Variants in PIK3C2G observed in about 807,000 individuals in gnomAD.
PIK3C2G encodes the protein phosphatidylinositol 3-kinase C2 domain-containing subunit gamma.
Under a neutral mutation model 181.1 loss-of-function variants are expected in PIK3C2G, and 168 were observed. The observed-to-expected ratio is 0.93, with a 90% CI of 0.82 to 1.05. PIK3C2G has a LOEUF of 1.05. Among genes scored for constraint, PIK3C2G ranks in the 50% least tolerant of loss-of-function variants. The pLI is 0.00. For missense variants in PIK3C2G, 1,869 were observed against 1,732.8 expected (o/e 1.08, Z -1.40); for synonymous variants, 573 against 592.2 (o/e 0.97, Z 0.47).
At chr12:18,365,883 G>A (rs765513283) in intron 12 of PIK3C2G, among the ~76,000 whole-genome samples, 3 of 152,110 alleles carry the variant, frequency 2.0e-5, no homozygotes, top group Non-Finnish European at 2.9e-5. Flanking sequence ...AATTCTGGTT[G>A]TTCAGATCAA....
rs370467850 is a variant in PIK3C2G, at chr12:18,252,079, G to A, written c.-79+3997G>A. 2.3e-3 allele frequency among the ~76,000 whole-genome samples: 345 copies of A among 152,208 alleles called. 1 individual carries two copies. The highest frequency in any genetic ancestry group is 7.9e-3 in the African/African-American group (329 of 41,546). On this transcript the variant is annotated intron_variant, in intron 1 of 11. Coordinates refer to the PIK3C2G transcript ENST00000535651. ...ATAAATTTTTCAAATATTCATGTTA[G>A]AAATTAAGCAGATCAAATATTCCGA...
chr12:18,283,142 G>A (rs1051697669), intron 2 of PIK3C2G, among the ~76,000 whole-genome samples: 1 of 151,960 alleles, frequency 6.6e-6, no homozygotes, highest in African/African-American at 2.4e-5. Flanking sequence ...TATATTTTGA[G>A]TCACATTGTA....
intron 24 of PIK3C2G, among the ~76,000 whole-genome samples, chr12:18,525,030 C>T (rs1012430892): frequency 1.3e-5 from 2 of 152,062 alleles, no homozygotes; most frequent in African/African-American, 4.8e-5. Context: ...AAATTAGTTA[C>T]ATCTCTGGGT....
chr12:18,602,418 C>A, intron 30 of PIK3C2G, among the ~76,000 whole-genome samples: 1 of 151,186 alleles, frequency 6.6e-6, no homozygotes, highest in South Asian at 2.1e-4. Flanking sequence ...CCTAGCCCCA[C>A]CCCCACCTGA....
chr12:18,395,192 G>T (rs912481695), intron 15 of PIK3C2G, among the ~76,000 whole-genome samples: 25 of 148,084 alleles, frequency 1.7e-4, no homozygotes, highest in Non-Finnish European at 4.5e-5. Flanking sequence ...ACCTTATAGA[G>T]AAATTGCTGA....
intron 17 of PIK3C2G, among the ~76,000 whole-genome samples, chr12:18,422,998 T>C (rs1459778382): frequency 6.6e-6 from 1 of 152,032 alleles, no homozygotes. Context: ...TAGGAATTTA[T>C]AAACTTTCCC....
At chr12:18,596,564 G>A (rs1947376677) in intron 30 of PIK3C2G, among the ~76,000 whole-genome samples, 1 of 152,094 alleles carries the variant, frequency 6.6e-6, no homozygotes, top group South Asian at 2.1e-4. Context: ...TCAAGGTACA[G>A]AAATAATAAC....
intron 18 of PIK3C2G, among the ~76,000 whole-genome samples, chr12:18,445,473 C>T (rs976532046): frequency 6.6e-6 from 1 of 151,386 alleles, no homozygotes. Flanking sequence ...GAAACAGAAT[C>T]GCAAATTGAA....
intron 2 of PIK3C2G, among the ~76,000 whole-genome samples, chr12:18,286,008 CA>C (rs1949428808): frequency 6.6e-6 from 1 of 151,414 alleles, no homozygotes; most frequent in African/African-American, 2.4e-5. Flanking sequence ...AACATTCAAT[CA>C]GAAAAAAATG....
intron 8 of PIK3C2G, among the ~76,000 whole-genome samples, chr12:18,330,277 G>T (rs1349380836): frequency 6.6e-6 from 1 of 152,062 alleles, no homozygotes; most frequent in Non-Finnish European, 1.5e-5. Context: ...CAAGATATTT[G>T]CATTACAAGA....
intron 5 of PIK3C2G, among the ~76,000 whole-genome samples, chr12:18,304,739 G>C (rs1384632601): frequency 6.6e-6 from 1 of 152,160 alleles, no homozygotes; most frequent in Admixed American, 6.5e-5. Flanking sequence ...TGGGGAAGAA[G>C]AGTCTTTTTT....
downstream of PIK3C2G, among the ~76,000 whole-genome samples, chr12:18,650,715 T>TAC (rs1950460216): frequency 3.1e-4 from 1 of 3,204 alleles, no homozygotes; most frequent in Non-Finnish European, 6.1e-4. Context: ...TATATATCTA[T>TAC]ATATATATAT....
intron 14 of PIK3C2G, 137 bp downstream of exon 14, chr12:18,382,017 G>T (rs543758589): frequency 1.3e-5 from 8 of 638,864 alleles, no homozygotes; most frequent in African/African-American, 9.1e-5. Context: ...TCTGGGATTT[G>T]TGAAACCTCT....
chr12:18,380,389 T>C (rs759412517), intron 13 of PIK3C2G, among the ~76,000 whole-genome samples: 4 of 152,180 alleles, frequency 2.6e-5, no homozygotes, highest in Non-Finnish European at 5.9e-5. Context: ...ACCTCCAAGT[T>C]TGGCATTGGA....
At chr12:18,670,940 T>C in the PIK3C2G span, among the ~76,000 whole-genome samples, 2 of 152,066 alleles carry the variant, frequency 1.3e-5, no homozygotes, top group Non-Finnish European at 2.9e-5. Flanking sequence ...CCCAACACTT[T>C]GGGAGGCTGA....
At chr12:18,336,778 AT>A (rs1344022607) in intron 8 of PIK3C2G, among the ~76,000 whole-genome samples, 4 of 152,138 alleles carry the variant, frequency 2.6e-5, no homozygotes, top group Non-Finnish European at 5.9e-5. Context: ...TCTGTGGACA[AT>A]TTTTGGAATC....
intron 18 of PIK3C2G, among the ~76,000 whole-genome samples, chr12:18,445,157 A>C (rs768133367): frequency 7.9e-5 from 12 of 152,230 alleles, no homozygotes; most frequent in African/African-American, 2.6e-4. Context: ...TGAAAATACC[A>C]AAAGAAAAAT....
At chr12:18,665,145 C>A in the PIK3C2G span, among the ~76,000 whole-genome samples, 1 of 150,168 alleles carries the variant, frequency 6.7e-6, no homozygotes, top group African/African-American at 2.5e-5. Context: ...TACCCTAAAA[C>A]TTAAAGCATA....
Position 18,282,522 on chromosome 12 carries a change from A to G in PIK3C2G, c.441A>G (p.Ser147=). The G allele has an allele frequency of 6.2e-7, 1 of 1,611,096 alleles. No homozygotes were observed. The highest frequency in any genetic ancestry group is 8.5e-7 in the Non-Finnish European group (1 of 1,177,650). Residue 147 remains serine (S), a synonymous_variant, in exon 2 of 33, where the codon TCA becomes TCG. Coordinates refer to ENST00000538779, the MANE Select transcript of PIK3C2G (RefSeq NM_001288772.2). ...DDSRFSILAP[S]FTSLDKINLE... Reference sequence around the variant, plus strand: ...CCAGATTCAGTATTTTAGCTCCATCATTCACAAGTTTGGATAAAATTAATC... The same window carrying G: ...CCAGATTCAGTATTTTAGCTCCATCGTTCACAAGTTTGGATAAAATTAATC...
Sources: allele counts gnomAD v4.1 joint callset (sites outside exome capture counted in the v4.1 genomes callset), GRCh38; gene constraint gnomAD v4.1.1; transcripts MANE v1.5; gene names NCBI Gene and HGNC (gene_info 2026-07-23, HGNC 2026-07-21).